The following VSTM4 variants were observed in gnomAD, a reference collection of about 807,000 sequenced individuals.
The protein encoded by VSTM4 is V-set and transmembrane domain-containing protein 4.
Under a neutral mutation model 36.4 loss-of-function variants are expected in VSTM4, and 20 were observed. The ratio of observed to expected loss-of-function variants is 0.55; its 90% CI spans 0.39 to 0.80. VSTM4 has a LOEUF of 0.80. VSTM4 is among the 30% of genes least tolerant of loss of function. VSTM4 has a pLI of 0.00. For missense variants in VSTM4, 392 were observed against 404.5 expected, an observed-to-expected ratio of 0.97 and a Z score of 0.26; for synonymous variants, 182 against 173.9, an observed-to-expected ratio of 1.05 and a Z score of -0.37.
chr10:49,110,181 G>A (rs1221445728), intron 1 of VSTM4, among the ~76,000 whole-genome samples: 1 of 152,246 alleles, frequency 6.6e-6, no homozygotes, highest in Non-Finnish European at 1.5e-5. Flanking sequence ...ATTGAAACAA[G>A]ATGGGTGGGA....
chr10:49,052,090 T>C (rs1843707350), intron 5 of VSTM4, among the ~76,000 whole-genome samples: 1 of 152,154 alleles, frequency 6.6e-6, no homozygotes, highest in Non-Finnish European at 1.5e-5. Flanking sequence ...TGCATAATGG[T>C]TTTTTATTCT....
At chr10:49,036,471 C>G (rs918119071) in intron 7 of VSTM4, among the ~76,000 whole-genome samples, 1 of 152,056 alleles carries the variant, frequency 6.6e-6, no homozygotes, top group Non-Finnish European at 1.5e-5. Flanking sequence ...TTAATATATC[C>G]TTTTCATGTA....
At chr10:49,024,488 A>G (rs1316084181) in intron 7 of VSTM4, among the ~76,000 whole-genome samples, 1 of 152,184 alleles carries the variant, frequency 6.6e-6, no homozygotes, top group Admixed American at 6.5e-5. Flanking sequence ...GGCTGAGGCT[A>G]TCGTCCTGGG....
At chr10:49,064,826 G>T in intron 4 of VSTM4, 90 bp from the exon 5 acceptor site, 2 of 1,426,464 alleles carry the variant, frequency 1.4e-6, no homozygotes, top group Non-Finnish European at 1.9e-6. Flanking sequence ...CGGGAGCCAG[G>T]TGTTGTTCAG....
intron 7 of VSTM4, among the ~76,000 whole-genome samples, chr10:49,031,065 GA>G (rs1406026201): frequency 1.3e-5 from 2 of 152,220 alleles, no homozygotes; most frequent in African/African-American, 4.8e-5. Context: ...TACTATTCAA[GA>G]GGATGCTTTT....
At chr10:49,020,590 G>GA (rs1452429605) in intron 7 of VSTM4, among the ~76,000 whole-genome samples, 1 of 151,826 alleles carries the variant, frequency 6.6e-6, no homozygotes, top group Admixed American at 6.6e-5. Context: ...TGAATATACT[G>GA]AAAAAACTTT....
rs201411589 is a variant in VSTM4 at position 49,107,603 on chromosome 10, C to T, written c.448G>A (p.Glu150Lys). 2.6e-5 allele frequency: 41 copies of T among 1,604,218 alleles called. No individual in the cohort carries two copies. The East Asian group carries it at 8.5e-4, about 33-fold the overall frequency. The change falls in exon 2 of 8, where the codon GAA (glutamate) becomes AAA (lysine). Residue 150 changes from glutamate to lysine, a missense_variant. Physicochemically the swap from Glu to Lys is moderately conservative, Grantham distance 56. Transcript: ENST00000332853. ...AGACCAAGACCCTCACCTCTCATTT[C>T]CGTGGCTGAGGAGCCATTGGACCAG... ...TAWSNGSSATEMRVISLKASE... is the reference protein window; with the variant it reads ...TAWSNGSSATKMRVISLKASE...
chr10:49,089,346 G>C (rs1015262491), intron 2 of VSTM4, among the ~76,000 whole-genome samples: 21 of 152,146 alleles, frequency 1.4e-4, no homozygotes, highest in African/African-American at 4.8e-4. Flanking sequence ...GCCCTTTGTT[G>C]TCAGTCCTTT....
At chr10:49,028,174 C>A (rs1448153604) in intron 7 of VSTM4, among the ~76,000 whole-genome samples, 2 of 152,178 alleles carry the variant, frequency 1.3e-5, no homozygotes, top group African/African-American at 4.8e-5. Context: ...GACTTGAACT[C>A]AAGTGCTCCT....
At chr10:49,082,676 A>C (rs1844301576) in intron 3 of VSTM4, among the ~76,000 whole-genome samples, 1 of 152,170 alleles carries the variant, frequency 6.6e-6, no homozygotes, top group Non-Finnish European at 1.5e-5. Flanking sequence ...ACTCCATCAA[A>C]AACAAAAGGA....
intron 2 of VSTM4, among the ~76,000 whole-genome samples, chr10:49,089,814 A>G (rs1183965984): frequency 6.6e-6 from 1 of 152,252 alleles, no homozygotes; most frequent in Non-Finnish European, 1.5e-5. Context: ...GTGCTATCTC[A>G]AAGTGAATTT....
intron 4 of VSTM4, among the ~76,000 whole-genome samples, chr10:49,069,187 G>T (rs1433274135): frequency 6.6e-6 from 1 of 152,166 alleles, no homozygotes; most frequent in Non-Finnish European, 1.5e-5. Flanking sequence ...GGTGGAGGCA[G>T]CCTTACTCCC....
chr10:49,080,006 A>G (rs1844250817), intron 3 of VSTM4, among the ~76,000 whole-genome samples: 3 of 152,214 alleles, frequency 2.0e-5, no homozygotes, highest in Admixed American at 2.0e-4. Flanking sequence ...ATAAAAGTTT[A>G]TCATATTAAT....
chr10:49,076,543 T>C (rs1844181675), intron 4 of VSTM4, among the ~76,000 whole-genome samples: 1 of 152,100 alleles, frequency 6.6e-6, no homozygotes, highest in Non-Finnish European at 1.5e-5. Context: ...AGGGAGAGGC[T>C]CTCAAAGGAG....
At chr10:49,103,408 A>C in intron 2 of VSTM4, 1 of 534,816 alleles carries the variant, frequency 1.9e-6, no homozygotes, top group Non-Finnish European at 2.4e-6. Context: ...AAGGATTTGC[A>C]CTGAAATGTT....
At position 49,029,972 on chromosome 10, in the gene VSTM4, C is replaced by T. The variant is rs541785269; in HGVS notation, c.838-10197G>A. On this transcript the variant is annotated intron_variant, in intron 7 of 7. Coordinates refer to ENST00000332853, the MANE Select transcript of VSTM4 (RefSeq NM_001031746.5). ...GAACACCTCCAGGGGGCCCCGCACC[C>T]CTCTCTACAGCCTCACCCCCAGGTT... Among the ~76,000 whole-genome samples the T allele has an allele frequency of 1.1e-4, 16 of 152,304 alleles. No homozygotes were observed. In the South Asian group the frequency reaches 2.7e-3, roughly 26 times the overall value.
At chr10:49,087,504 G>C (rs2132002869) in intron 2 of VSTM4, among the ~76,000 whole-genome samples, 1 of 152,300 alleles carries the variant, frequency 6.6e-6, no homozygotes, top group South Asian at 2.1e-4. Flanking sequence ...AGTTAGAGTA[G>C]GGGGATGGTC....
At chr10:49,046,104 T>C (rs553050170) in intron 7 of VSTM4, among the ~76,000 whole-genome samples, 32 of 152,318 alleles carry the variant, frequency 2.1e-4, no homozygotes, top group African/African-American at 7.5e-4. Flanking sequence ...ACTGTAAGTT[T>C]CCTGAGGACT....
At chr10:49,060,607 T>C (rs1481962934) in intron 5 of VSTM4, among the ~76,000 whole-genome samples, 1 of 152,212 alleles carries the variant, frequency 6.6e-6, no homozygotes, top group Non-Finnish European at 1.5e-5. Context: ...AACAAGTTCT[T>C]TATCGGTTAT....
Sources: allele counts gnomAD v4.1 joint callset (sites outside exome capture counted in the v4.1 genomes callset), GRCh38; gene constraint gnomAD v4.1.1; transcripts MANE v1.5; gene names NCBI Gene and HGNC (gene_info 2026-07-23, HGNC 2026-07-21).